Variants in UBE2D2 observed in about 807,000 individuals in gnomAD.
UBE2D2 encodes ubiquitin-conjugating enzyme E2 D2.
UBE2D2 carries 2 observed loss-of-function variants against 24.2 expected under a neutral mutation model. The ratio of observed to expected loss-of-function variants is 0.08; its 90% CI spans 0.03 to 0.26. The LOEUF is 0.26. Ranked by LOEUF, UBE2D2 falls within the 10% of genes least tolerant of loss-of-function variation. The probability of loss-of-function intolerance (pLI) is 1.00; values close to 1 mark genes in which losing one functional copy is unlikely to be tolerated. For missense variants in UBE2D2, 44 were observed against 177.6 expected, an observed-to-expected ratio of 0.25 and a Z score of 4.28; for synonymous variants, 58 against 56.5, an observed-to-expected ratio of 1.03 and a Z score of -0.12.
At position 139,626,830 on chromosome 5, in the gene UBE2D2, A is replaced by G. The variant is rs756302927; in HGVS notation, c.*29A>G. 1 of 1,591,590 alleles carries G rather than the reference A, an allele frequency of 6.3e-7. No homozygotes were observed. Among genetic ancestry groups the G allele is most frequent in the Non-Finnish European group, 8.6e-7 (1 of 1,162,816 alleles). On this transcript the variant is annotated 3_prime_UTR_variant, in exon 7 of 7. Coordinates refer to ENST00000398733, the MANE Select transcript of UBE2D2 (RefSeq NM_003339.3). ...AAGAAATTATTGGATAACCTCTACA[A>G]ATAAAGATAGGGGAACTCTGAAAGA...
chr5:139,593,417 TAA>T (rs1414429813), intron 1 of UBE2D2, among the ~76,000 whole-genome samples: 2 of 152,154 alleles, frequency 1.3e-5, no homozygotes, highest in Non-Finnish European at 2.9e-5. Context: ...TGTTTTCTTA[TAA>T]AATTGGGAAT....
chr5:139,595,937 A>AGGC (rs1753950767), intron 1 of UBE2D2, among the ~76,000 whole-genome samples: 1 of 124,874 alleles, frequency 8.0e-6, no homozygotes, highest in Non-Finnish European at 1.6e-5. Context: ...TCTATCACCC[A>AGGC]GGCTGGAGTG....
chr5:139,551,441 A>G (rs1752920173), intron 1 of UBE2D2, among the ~76,000 whole-genome samples: 1 of 152,210 alleles, frequency 6.6e-6, no homozygotes, highest in Non-Finnish European at 1.5e-5. Context: ...TGTCCTTCCT[A>G]CTGGATTTTG....
At chr5:139,572,141 C>A (rs375073231) in intron 1 of UBE2D2, among the ~76,000 whole-genome samples, 13 of 152,142 alleles carry the variant, frequency 8.5e-5, no homozygotes, top group African/African-American at 3.1e-4. Context: ...ATTTAACTTT[C>A]GTAATAGTTG....
At chr5:139,600,329 A>G in intron 1 of UBE2D2, 43 bp from the exon 2 acceptor site, 1 of 1,587,824 alleles carries the variant, frequency 6.3e-7, no homozygotes, top group South Asian at 1.1e-5. Flanking sequence ...GATAAAAGGT[A>G]CATTTATGTT....
rs1016563879 is a variant in UBE2D2, at chr5:139,607,973, A to G, written c.89-6613A>G. ...GGCTGCAGTGAGCCAAAGTTGTGCC[A>G]CTGTACTCCAGTCTGGGCAGTAGAG... On this transcript the variant is annotated intron_variant, in intron 2 of 6. Transcript: ENST00000398733. Among the ~76,000 whole-genome samples the G allele has an allele frequency of 4.0e-5, 6 of 151,318 alleles. No homozygotes were observed. In the East Asian group the frequency reaches 9.7e-4, roughly 25 times the overall value.
At chr5:139,584,198 G>A (rs755864148) in intron 1 of UBE2D2, among the ~76,000 whole-genome samples, 1 of 151,872 alleles carries the variant, frequency 6.6e-6, no homozygotes, top group East Asian at 1.9e-4. Context: ...TACCTTTTCT[G>A]TTTAGATATA....
intron 5 of UBE2D2, among the ~76,000 whole-genome samples, chr5:139,615,358 G>GGGCA (rs1754400888): frequency 6.6e-5 from 10 of 152,170 alleles, no homozygotes; most frequent in Middle Eastern, 3.2e-3. Context: ...GGTGGCAGGT[G>GGGCA]CCTGTAGTCC....
At chr5:139,587,538 G>C (rs1392521435) in intron 1 of UBE2D2, among the ~76,000 whole-genome samples, 1 of 151,796 alleles carries the variant, frequency 6.6e-6, no homozygotes, top group Non-Finnish European at 1.5e-5. Context: ...AAATAGCCGG[G>C]CGTGGTGGCG....
At chr5:139,551,769 A>C (rs1260423397) in intron 1 of UBE2D2, among the ~76,000 whole-genome samples, 1 of 152,246 alleles carries the variant, frequency 6.6e-6, no homozygotes, top group Non-Finnish European at 1.5e-5. Context: ...ACCTAGAGGC[A>C]TGTGCCTAAT....
At chr5:139,595,886 TTTG>T (rs1452429457) in intron 1 of UBE2D2, among the ~76,000 whole-genome samples, 3 of 143,698 alleles carry the variant, frequency 2.1e-5, no homozygotes, top group South Asian at 2.2e-4. Flanking sequence ...TTTTTTGTTT[TTTG>T]TTGTTTTTTT....
At chr5:139,598,226 C>T (rs1390362748) in intron 1 of UBE2D2, among the ~76,000 whole-genome samples, 1 of 152,062 alleles carries the variant, frequency 6.6e-6, no homozygotes, top group African/African-American at 2.4e-5. Flanking sequence ...GTACTTTATG[C>T]TTTGTGTACT....
intron 1 of UBE2D2, among the ~76,000 whole-genome samples, chr5:139,568,628 G>A (rs767751288): frequency 3.2e-4 from 49 of 151,690 alleles, no homozygotes; most frequent in Non-Finnish European, 6.2e-4. Context: ...CTGCATTCTA[G>A]CCTGGGCGAC....
chr5:139,566,875 A>T (rs1448546659), intron 1 of UBE2D2, among the ~76,000 whole-genome samples: 1 of 152,068 alleles, frequency 6.6e-6, no homozygotes, highest in Non-Finnish European at 1.5e-5. Context: ...TTCAAAAAAA[A>T]AAGAGAAGCC....
chr5:139,539,051 G>A (rs1042105596), intron 1 of UBE2D2, among the ~76,000 whole-genome samples: 22 of 151,654 alleles, frequency 1.5e-4, no homozygotes, highest in African/African-American at 4.1e-4. Context: ...TTGAGATGGC[G>A]TCTCGCTCTG....
intron 1 of UBE2D2, among the ~76,000 whole-genome samples, chr5:139,592,689 G>A (rs1753869360): frequency 6.9e-6 from 1 of 144,944 alleles, no homozygotes; most frequent in Non-Finnish European, 1.5e-5. Context: ...TGCAACCTCT[G>A]CCTCCTGGGT....
chr5:139,552,828 A>G (rs1163937571), intron 1 of UBE2D2, among the ~76,000 whole-genome samples: 1 of 151,830 alleles, frequency 6.6e-6, no homozygotes, highest in Non-Finnish European at 1.5e-5. Context: ...GAATACAGGC[A>G]TGCGCTACCA....
intron 1 of UBE2D2, 146 bp downstream of exon 1, chr5:139,561,961 C>T (rs1753110436): frequency 1.3e-5 from 15 of 1,166,852 alleles, no homozygotes; most frequent in Non-Finnish European, 1.6e-5. Flanking sequence ...ACCCCACTCC[C>T]AGTGATGGCG....
intron 1 of UBE2D2, among the ~76,000 whole-genome samples, chr5:139,546,146 C>T (rs1011926599): frequency 1.3e-5 from 2 of 151,838 alleles, no homozygotes; most frequent in Non-Finnish European, 2.9e-5. Flanking sequence ...TGGCTTCAAG[C>T]GATTCTCCTG....
Sources: gnomAD v4.1 joint callset for allele counts (sites outside exome capture counted in the v4.1 genomes callset) on GRCh38, gnomAD v4.1.1 for gene constraint, MANE v1.5 for transcripts, NCBI Gene and HGNC (gene_info 2026-07-23, HGNC 2026-07-21) for gene names.